Variants in PTPN14 observed in about 807,000 individuals in gnomAD.
PTPN14 encodes the protein tyrosine-protein phosphatase non-receptor type 14.
A neutral mutation model predicts 126.8 loss-of-function variants in PTPN14; 53 were observed. The ratio of observed to expected loss-of-function variants is 0.42; its 90% CI spans 0.34 to 0.53. PTPN14 has a LOEUF of 0.53. PTPN14 is among the 20% of genes least tolerant of loss of function. The pLI, the probability that PTPN14 is intolerant of heterozygous loss-of-function variation, is 0.08. For synonymous variants in PTPN14, 630 were observed against 599.3 expected (o/e 1.05, Z -0.75); for missense variants, 1,257 against 1,552.9 (o/e 0.81, Z 3.20).
intron 1 of PTPN14, among the ~76,000 whole-genome samples, chr1:214,520,065 A>AT (rs1553274992): frequency 0.43 from 31,070 of 71,904 alleles, 8,014 homozygotes; most frequent in Non-Finnish European, 0.55. Context: ...AAAAAAAAAA[A>AT]ATATATATAT....
rs1647335029 is a variant in PTPN14 at position 214,534,285 on chromosome 1, A to C, written c.-155+16898T>G. Among the ~76,000 whole-genome samples the C allele has an allele frequency of 2.6e-5, 4 of 152,216 alleles. No individual in the cohort carries two copies. The South Asian group carries it at 8.3e-4, about 32-fold the overall frequency. Reference sequence around the variant, plus strand: ...CTACCTTGGAAACTAAACCCTAATGAAGAACTCTCCAAGTAAAATAAATGT... The same window carrying C: ...CTACCTTGGAAACTAAACCCTAATGCAGAACTCTCCAAGTAAAATAAATGT... On this transcript the variant is annotated intron_variant, in intron 1 of 18. Transcript: ENST00000366956.
chr1:214,446,426 C>A (rs1456435301), intron 3 of PTPN14, among the ~76,000 whole-genome samples: 1 of 152,092 alleles, frequency 6.6e-6, no homozygotes, highest in Non-Finnish European at 1.5e-5. Context: ...AAGGGACTTG[C>A]CCCTCAAAAG....
intron 1 of PTPN14, among the ~76,000 whole-genome samples, chr1:214,501,442 A>C (rs1654696331): frequency 1.3e-5 from 2 of 151,870 alleles, no homozygotes; most frequent in African/African-American, 4.8e-5. Context: ...GGGCTTCGTG[A>C]TGTTGGGCAG....
At chr1:214,471,171 T>C (rs1035579978) in intron 1 of PTPN14, among the ~76,000 whole-genome samples, 1 of 151,826 alleles carries the variant, frequency 6.6e-6, no homozygotes, top group African/African-American at 2.4e-5. Flanking sequence ...GAAAGTGCAG[T>C]AAACCCTGGA....
At chr1:214,497,467 C>T (rs1654557529) in intron 1 of PTPN14, among the ~76,000 whole-genome samples, 2 of 152,116 alleles carry the variant, frequency 1.3e-5, no homozygotes, top group African/African-American at 4.8e-5. Flanking sequence ...TGGCATTATC[C>T]ATCAAAATTT....
chr1:214,382,316 A>T (rs542910562), intron 13 of PTPN14, among the ~76,000 whole-genome samples: 1 of 151,666 alleles, frequency 6.6e-6, no homozygotes, highest in African/African-American at 2.4e-5. Context: ...TGTCTCCCCA[A>T]ATTGTACAAT....
In PTPN14 at chr1:214,543,914, C is replaced by T. The variant is rs577738665; in HGVS notation, c.-155+7269G>A. ...GATTACAGGCGTGAGCCACTGCGCC[C>T]GGCCACACTTTTAAAAAATAATCAA... On this transcript the variant is annotated intron_variant, in intron 1 of 18. Coordinates refer to ENST00000366956, the MANE Select transcript of PTPN14 (RefSeq NM_005401.5). Among the ~76,000 whole-genome samples, 59 of 152,280 alleles carry T rather than the reference C, an allele frequency of 3.9e-4. No homozygotes were observed. The South Asian group carries it at 0.012, about 30-fold the overall frequency.
intron 1 of PTPN14, among the ~76,000 whole-genome samples, chr1:214,471,972 G>A (rs540912862): frequency 6.6e-6 from 1 of 152,246 alleles, no homozygotes; most frequent in East Asian, 1.9e-4. Flanking sequence ...AGCTCCTGGT[G>A]TATCACAGAG....
chr1:214,361,937 CTG>C (rs1657964081), intron 18 of PTPN14, among the ~76,000 whole-genome samples: 2 of 152,062 alleles, frequency 1.3e-5, no homozygotes, highest in African/African-American at 4.8e-5. Flanking sequence ...TAGAATGAGA[CTG>C]AGAGGGACAA....
chr1:214,356,809 G>A lies in PTPN14; in HGVS notation c.*1113C>T, dbSNP rs1163986063. 2 of 152,176 alleles carry A rather than the reference G, an allele frequency of 1.3e-5. No homozygotes were observed. The highest frequency in any genetic ancestry group is 6.5e-5 in the Admixed American group (1 of 15,276). The allele number at this position is 152,176 out of a possible 1,614,324, so 9.4% of individuals were successfully genotyped here. A position where few individuals can be genotyped will look rare whatever the true frequency, so the allele number is the denominator to read the frequency against. ...GATGTGTTTCCTGGCCAGGACCCCT[G>A]TTATGTAGCTAAATGCCTTACAGCT... On this transcript the variant is annotated 3_prime_UTR_variant, in exon 19 of 19. Coordinates refer to ENST00000366956, the MANE Select transcript of PTPN14 (RefSeq NM_005401.5).
At chr1:214,543,390 G>A (rs1488999900) in intron 1 of PTPN14, among the ~76,000 whole-genome samples, 6 of 152,050 alleles carry the variant, frequency 3.9e-5, no homozygotes, top group African/African-American at 7.2e-5. Flanking sequence ...CATAGTATGA[G>A]TAACTTCAGA....
chr1:214,527,832 T>G (rs1250067283), intron 1 of PTPN14, among the ~76,000 whole-genome samples: 1 of 152,238 alleles, frequency 6.6e-6, no homozygotes, highest in East Asian at 1.9e-4. Context: ...TTAAAATGTT[T>G]TTCTCTTCAT....
chr1:214,377,482 T>C (rs1658370863), intron 14 of PTPN14, among the ~76,000 whole-genome samples: 1 of 152,042 alleles, frequency 6.6e-6, no homozygotes, highest in African/African-American at 2.4e-5. Flanking sequence ...GTGACATGTG[T>C]TTACCTATGT....
At chr1:214,497,677 G>A (rs1034778224) in intron 1 of PTPN14, among the ~76,000 whole-genome samples, 8 of 152,106 alleles carry the variant, frequency 5.3e-5, no homozygotes, top group African/African-American at 1.9e-4. Context: ...CCTGAGACAG[G>A]CAGCTTACCA....
intron 1 of PTPN14, among the ~76,000 whole-genome samples, chr1:214,538,722 T>C (rs1263990398): frequency 6.6e-6 from 1 of 152,226 alleles, no homozygotes; most frequent in Admixed American, 6.5e-5. Context: ...GCTTGCTTCT[T>C]GGCAGTATTC....
intron 3 of PTPN14, among the ~76,000 whole-genome samples, chr1:214,450,165 A>AAATAAATAAATAAAT (rs1558107723): frequency 7.6e-4 from 55 of 72,710 alleles, no homozygotes; most frequent in African/African-American, 2.6e-3. Flanking sequence ...AATAAATAAA[A>AAATAAATAAATAAAT]GCCAAATTAA....
intron 1 of PTPN14, among the ~76,000 whole-genome samples, chr1:214,471,150 G>A (rs1036005411): frequency 6.6e-6 from 1 of 151,698 alleles, no homozygotes; most frequent in African/African-American, 2.4e-5. Flanking sequence ...AAGTACAGGG[G>A]GAATGACAGG....
At chr1:214,539,880 A>G (rs1013554832) in intron 1 of PTPN14, among the ~76,000 whole-genome samples, 4 of 152,192 alleles carry the variant, frequency 2.6e-5, no homozygotes, top group Non-Finnish European at 5.9e-5. Flanking sequence ...AGGAACAACC[A>G]AACAGCTGCT....
chr1:214,449,649 AT>A (rs1291368251), intron 3 of PTPN14, among the ~76,000 whole-genome samples: 7 of 152,168 alleles, frequency 4.6e-5, no homozygotes, highest in African/African-American at 1.7e-4. Flanking sequence ...GGAGTTAATA[AT>A]TTTTTGTACA....
Sources: gnomAD v4.1 joint callset for allele counts (sites outside exome capture counted in the v4.1 genomes callset) on GRCh38, gnomAD v4.1.1 for gene constraint, MANE v1.5 for transcripts, NCBI Gene and HGNC (gene_info 2026-07-23, HGNC 2026-07-21) for gene names.